EMILIN2: variants seen among roughly 807,000 people sequenced by gnomAD.
EMILIN2 encodes EMILIN-2.
Under a neutral mutation model 87.1 loss-of-function variants are expected in EMILIN2, and 71 were observed. That is an observed-to-expected ratio of 0.82 (90% CI 0.67 to 0.99). The LOEUF (loss-of-function observed/expected upper bound fraction) is 0.99. EMILIN2 is among the 50% of genes least tolerant of loss of function. EMILIN2 has a pLI of 0.00. For synonymous variants in EMILIN2, 581 were observed against 563.4 expected, an observed-to-expected ratio of 1.03 and a Z score of -0.44; for missense variants, 1,407 against 1,371.8, an observed-to-expected ratio of 1.03 and a Z score of -0.40.
rs2144070134 is a variant in EMILIN2 at position 2,906,965 on chromosome 18, A to G, written c.2542A>G (p.Thr848Ala). 2.1e-6 allele frequency: 3 copies of G among 1,403,612 alleles called. No homozygotes were observed. The highest frequency in any genetic ancestry group is 3.1e-5 in the East Asian group (1 of 32,106). 86.9% of individuals were successfully genotyped at this position (1,403,612 alleles called of 1,614,324 possible). ...AGGCTCCACCGGGGTCATCGCGGAG[A>G]CGGGCCAGGCCGGGCCCCCCGCAGG... The part of the protein sequence containing the change: ...PPGSTGVIAE[T>A]GQAGPPAGAG... Residue 848 changes from threonine to alanine, a missense_variant, in exon 5 of 8, where the codon ACG becomes GCG. Physicochemically the swap from Thr to Ala is moderately conservative, Grantham distance 58. Transcript: ENST00000254528.
At chr18:2,882,941 C>T (rs1457302735) in intron 2 of EMILIN2, among the ~76,000 whole-genome samples, 4 of 151,690 alleles carry the variant, frequency 2.6e-5, no homozygotes, top group African/African-American at 9.7e-5. Flanking sequence ...TTTGGGAGGC[C>T]GAGGTGGAGG....
intron 2 of EMILIN2, among the ~76,000 whole-genome samples, chr18:2,873,050 A>C (rs57744896): frequency 7.4e-6 from 1 of 135,768 alleles, no homozygotes; most frequent in Non-Finnish European, 1.5e-5. Context: ...TATGTGATTT[A>C]AAAAAAAAAA....
In EMILIN2 at chr18:2,896,666, T is replaced by A. The variant is rs931571216; in HGVS notation, c.2359+4180T>A. ...ATTTTTTGTTATTTATTTATTTATTTTTTTAGAGATGGGTTTCACCATGTT... is the reference window on the plus strand; with the variant it reads ...ATTTTTTGTTATTTATTTATTTATTATTTTAGAGATGGGTTTCACCATGTT... On this transcript the variant is annotated intron_variant, in intron 4 of 7. Coordinates refer to ENST00000254528, the MANE Select transcript of EMILIN2 (RefSeq NM_032048.3). 2.7e-5 allele frequency among the ~76,000 whole-genome samples: 4 copies of A among 150,926 alleles called. No homozygotes were observed. The East Asian group carries it at 5.8e-4, about 22-fold the overall frequency.
chr18:2,912,051 T>C (rs1038771229), intron 7 of EMILIN2, among the ~76,000 whole-genome samples: 3 of 149,134 alleles, frequency 2.0e-5, no homozygotes, highest in Non-Finnish European at 3.0e-5. Flanking sequence ...TTTTTTTTTT[T>C]TTTTTCTGAG....
At chr18:2,860,413 G>A (rs755911108) in intron 2 of EMILIN2, among the ~76,000 whole-genome samples, 1 of 152,072 alleles carries the variant, frequency 6.6e-6, no homozygotes, top group Non-Finnish European at 1.5e-5. Flanking sequence ...ACAGGCCCCA[G>A]TGTGTGATGT....
intron 2 of EMILIN2, among the ~76,000 whole-genome samples, chr18:2,871,641 A>T (rs986386364): frequency 1.3e-5 from 2 of 152,166 alleles, no homozygotes; most frequent in East Asian, 3.9e-4. Flanking sequence ...TGTTGAGGGT[A>T]TTGCTAGAAA....
At chr18:2,886,935 T>A (rs679280) in intron 3 of EMILIN2, among the ~76,000 whole-genome samples, 67,180 of 151,962 alleles carry the variant, frequency 0.44, 15,435 homozygotes, top group South Asian at 0.5. Context: ...TTTTCCTGTC[T>A]TCACCCGAGG....
chr18:2,904,054 A>T (rs576939229), intron 4 of EMILIN2, among the ~76,000 whole-genome samples: 136 of 152,336 alleles, frequency 8.9e-4, no homozygotes, highest in Non-Finnish European at 1.7e-3. Flanking sequence ...CTGTCTAAAA[A>T]TATCTTTATT....
At chr18:2,910,000 G>A (rs897029037) in intron 7 of EMILIN2, among the ~76,000 whole-genome samples, 181 bp downstream of exon 7, 7 of 152,352 alleles carry the variant, frequency 4.6e-5, no homozygotes, top group East Asian at 3.9e-4. Flanking sequence ...CACGTAGAAC[G>A]TGTCCCAGCT....
In EMILIN2 at chr18:2,862,188, A is replaced by G. The variant is rs866814176; in HGVS notation, c.257+14257A>G. ...ATCATGTCATCTGCAAACAGGGACAATTTGACTTCCTCCTTTCCTAATTGA... is the reference window on the plus strand; with the variant it reads ...ATCATGTCATCTGCAAACAGGGACAGTTTGACTTCCTCCTTTCCTAATTGA... On this transcript the variant is annotated intron_variant, in intron 2 of 7. Transcript: ENST00000254528. 2.7e-3 allele frequency among the ~76,000 whole-genome samples: 408 copies of G among 152,272 alleles called. 2 individuals are homozygous for G. The highest frequency in any genetic ancestry group is 9.5e-3 in the African/African-American group (394 of 41,548).
At chr18:2,871,989 T>C (rs1202509093) in intron 2 of EMILIN2, among the ~76,000 whole-genome samples, 2 of 152,216 alleles carry the variant, frequency 1.3e-5, no homozygotes, top group Admixed American at 6.5e-5. Context: ...TAGTTGATAT[T>C]TGAGGTAACT....
intron 3 of EMILIN2, among the ~76,000 whole-genome samples, chr18:2,885,457 T>G (rs2076798743): frequency 2.0e-5 from 3 of 152,228 alleles, no homozygotes; most frequent in Admixed American, 1.3e-4. Flanking sequence ...TCAGATGTAA[T>G]GATGTACTGT....
Position 2,913,123 on chromosome 18 carries a change from G to A in EMILIN2, c.2881G>A (p.Glu961Lys), listed in dbSNP as rs763455124. Reference sequence around the variant, plus strand: ...CCTGATCACGGCCACCCTCACCCCCGAGAGAGACGCCTACGTGGAAGCAGT... The same window carrying A: ...CCTGATCACGGCCACCCTCACCCCCAAGAGAGACGCCTACGTGGAAGCAGT... ...RYLITATLTP[E>K]RDAYVEAVLS... The change falls in exon 8 of 8, where the codon GAG (glutamate) becomes AAG (lysine). Residue 961 changes from glutamate (E) to lysine (K), a missense_variant. Glu to Lys is a moderately conservative substitution (Grantham distance 56). Transcript: ENST00000254528. The A allele has an allele frequency of 1.6e-5, 26 of 1,613,382 alleles. No homozygotes were observed. The highest frequency in any genetic ancestry group is 2.7e-5 in the African/African-American group (2 of 74,904).
chr18:2,872,137 A>G (rs902665976), intron 2 of EMILIN2, among the ~76,000 whole-genome samples: 9 of 152,208 alleles, frequency 5.9e-5, no homozygotes, highest in African/African-American at 2.2e-4. Flanking sequence ...ATTGCTTCAT[A>G]TTGAATACTG....
intron 4 of EMILIN2, chr18:2,906,536 C>T (rs529253819): frequency 1.7e-5 from 6 of 353,388 alleles, no homozygotes; most frequent in African/African-American, 1.3e-4. Flanking sequence ...GTGCAGCCGT[C>T]TGCGCCGGAG....
intron 3 of EMILIN2, among the ~76,000 whole-genome samples, chr18:2,886,516 T>C (rs1264601699): frequency 6.6e-6 from 1 of 152,208 alleles, no homozygotes; most frequent in Non-Finnish European, 1.5e-5. Flanking sequence ...TTTACCTCCA[T>C]ATCTATTGGT....
At chr18:2,888,429 A>C (rs767532137) in intron 3 of EMILIN2, among the ~76,000 whole-genome samples, 29 of 152,092 alleles carry the variant, frequency 1.9e-4, no homozygotes, top group South Asian at 4.1e-4. Flanking sequence ...TTAAGAGAGA[A>C]TAACGGCCGG....
At chr18:2,866,317 C>T (rs1000013838) in intron 2 of EMILIN2, among the ~76,000 whole-genome samples, 6 of 152,224 alleles carry the variant, frequency 3.9e-5, no homozygotes, top group African/African-American at 1.4e-4. Context: ...GGAGCTGTTC[C>T]TATTTGGCCA....
At chr18:2,892,728 T>C (rs187556109) in intron 4 of EMILIN2, among the ~76,000 whole-genome samples, 71 of 151,580 alleles carry the variant, frequency 4.7e-4, no homozygotes, top group Admixed American at 3.8e-3. Flanking sequence ...TAAATATATA[T>C]TCTCAGTGTT....
Sources: allele counts gnomAD v4.1 joint callset (sites outside exome capture counted in the v4.1 genomes callset), GRCh38; gene constraint gnomAD v4.1.1; transcripts MANE v1.5; gene names NCBI Gene and HGNC (gene_info 2026-07-23, HGNC 2026-07-21).